The following SVEP1 variants were observed in gnomAD, a reference collection of about 807,000 sequenced individuals.
The protein encoded by SVEP1 is sushi, von Willebrand factor type A, EGF and pentraxin domain-containing protein 1.
Under a neutral mutation model 367.3 loss-of-function variants are expected in SVEP1, and 164 were observed. The ratio of observed to expected loss-of-function variants is 0.45; its 90% CI spans 0.39 to 0.51. The LOEUF is 0.51. Ranked by LOEUF, SVEP1 falls within the 20% of genes least tolerant of loss-of-function variation. The pLI, the probability that SVEP1 is intolerant of heterozygous loss-of-function variation, is 0.00. For synonymous variants in SVEP1, 1,666 were observed against 1,611.6 expected (o/e 1.03, Z -0.81); for missense variants, 4,117 against 4,425.3 (o/e 0.93, Z 1.98).
chr9:110,461,611 AT>A (rs1828859227), intron 18 of SVEP1, among the ~76,000 whole-genome samples: 1 of 152,122 alleles, frequency 6.6e-6, no homozygotes, highest in Admixed American at 6.6e-5. Context: ...AAAACAAAGC[AT>A]TTGTGATAAT....
chr9:110,548,583 G>C (rs1424948573), intron 2 of SVEP1, among the ~76,000 whole-genome samples: 1 of 152,154 alleles, frequency 6.6e-6, no homozygotes, highest in East Asian at 1.9e-4. Context: ...GAAAACGTCA[G>C]CTAGTAGGTA....
chr9:110,479,883 G>C (rs1829159355), intron 12 of SVEP1, 127 bp from the exon 13 acceptor site: 8 of 1,330,170 alleles, frequency 6.0e-6, no homozygotes, highest in Non-Finnish European at 7.2e-6. Context: ...ATAAAAACAA[G>C]AGATGACAGT....
chr9:110,528,156 G>GTGTATATATA, intron 3 of SVEP1, among the ~76,000 whole-genome samples: 377 of 33,900 alleles, frequency 0.011, 6 homozygotes, highest in East Asian at 0.035. Context: ...GTGTGTGTGT[G>GTGTATATATA]TATATATATA....
chr9:110,390,142 TACAA>T (rs1564127276), intron 40 of SVEP1, among the ~76,000 whole-genome samples: 18 of 93,234 alleles, frequency 1.9e-4, no homozygotes, highest in East Asian at 8.3e-4. Flanking sequence ...TAAGTATATA[TACAA>T]GTATATACAT....
At chr9:110,428,774 C>T (rs1240749087) in intron 35 of SVEP1, among the ~76,000 whole-genome samples, 1 of 67,172 alleles carries the variant, frequency 1.5e-5, no homozygotes, top group African/African-American at 3.9e-5. Context: ...ACAAATGAAA[C>T]CTATTGAGTA....
At chr9:110,443,920 C>A (rs549501873) in intron 26 of SVEP1, among the ~76,000 whole-genome samples, 200 bp from the exon 27 acceptor site, 36 of 152,014 alleles carry the variant, frequency 2.4e-4, no homozygotes, top group African/African-American at 8.0e-4. Flanking sequence ...TATTGTAGCT[C>A]ACTGAAAATT....
intron 40 of SVEP1, among the ~76,000 whole-genome samples, chr9:110,393,000 T>C (rs934306297): frequency 1.3e-5 from 2 of 152,214 alleles, no homozygotes; most frequent in Admixed American, 6.5e-5. Context: ...AACATCAATA[T>C]TTTAAAAACT....
At chr9:110,538,534 A>T (rs1023730189) in intron 3 of SVEP1, among the ~76,000 whole-genome samples, 4 of 152,026 alleles carry the variant, frequency 2.6e-5, no homozygotes, top group Non-Finnish European at 5.9e-5. Flanking sequence ...AGGAGTGGAG[A>T]TTTGTGTGCA....
intron 3 of SVEP1, among the ~76,000 whole-genome samples, chr9:110,528,585 G>A (rs1360446056): frequency 2.0e-5 from 3 of 151,840 alleles, no homozygotes; most frequent in Non-Finnish European, 2.9e-5. Context: ...TCATATGTTT[G>A]TTGGCCATTT....
intron 42 of SVEP1, among the ~76,000 whole-genome samples, chr9:110,386,776 C>A (rs73655335): frequency 1.3e-5 from 2 of 152,198 alleles, no homozygotes; most frequent in Admixed American, 1.3e-4. Context: ...GGTACACTTC[C>A]GCTGTTACTA....
At chr9:110,438,885 G>A (rs910802013) in intron 27 of SVEP1, among the ~76,000 whole-genome samples, 2 of 152,170 alleles carry the variant, frequency 1.3e-5, no homozygotes, top group Non-Finnish European at 2.9e-5. Context: ...ATATAAAGCA[G>A]TATCACACCT....
At chr9:110,549,755 G>T in intron 2 of SVEP1, 94 bp downstream of exon 2, 4 of 1,489,836 alleles carry the variant, frequency 2.7e-6, no homozygotes, top group Non-Finnish European at 3.6e-6. Context: ...GACCTTGTGA[G>T]AGTTTGATAT....
At chr9:110,449,370 C>T (rs1237608362) in intron 24 of SVEP1, among the ~76,000 whole-genome samples, 1 of 152,094 alleles carries the variant, frequency 6.6e-6, no homozygotes, top group Non-Finnish European at 1.5e-5. Context: ...AAATCATGGA[C>T]ATAGAATAAA....
At position 110,406,457 on chromosome 9, in the gene SVEP1, G is replaced by C; in HGVS notation, c.9143C>G (p.Ala3048Gly). 1 of 1,613,990 alleles carries C rather than the reference G, an allele frequency of 6.2e-7. No homozygotes were observed. The highest frequency in any genetic ancestry group is 8.5e-7 in the Non-Finnish European group (1 of 1,179,892). Reference protein sequence around the residue: ...LLGLSEITCEADGQWSSGFPH... With the variant: ...LLGLSEITCEGDGQWSSGFPH... ...GAACCCAGAGCTCCACTGGCCATCG[G>C]CTTCACAGGTGATTTCAGAAAGTCC... The change falls in exon 38 of 48, where the codon GCC (alanine) becomes GGC (glycine). Residue 3048 changes from alanine (A) to glycine (G), a missense_variant. Transcript: ENST00000374469.
rs183892710 is a variant in SVEP1, at chr9:110,576,662, C to G, written c.531+2351G>C. Among the ~76,000 whole-genome samples the G allele has an allele frequency of 3.0e-3, 460 of 152,038 alleles. 2 individuals are homozygous for G. Among genetic ancestry groups the G allele is most frequent in the Non-Finnish European group, 4.8e-3 (325 of 67,914 alleles). On this transcript the variant is annotated intron_variant, in intron 1 of 47. Transcript: ENST00000374469. Reference sequence around the variant, plus strand: ...ATTTTTAAAAATCAGTGTTTCTATACGTCAAGAAAAGTTGTTTGAAATTTA... The same window carrying G: ...ATTTTTAAAAATCAGTGTTTCTATAGGTCAAGAAAAGTTGTTTGAAATTTA...
At chr9:110,490,373 G>C (rs998274167) in intron 8 of SVEP1, among the ~76,000 whole-genome samples, 1 of 152,050 alleles carries the variant, frequency 6.6e-6, no homozygotes, top group African/African-American at 2.4e-5. Flanking sequence ...TGGAATATAT[G>C]ATCGATTATC....
chr9:110,462,911 G>A (rs1828879650), intron 18 of SVEP1, among the ~76,000 whole-genome samples: 1 of 151,882 alleles, frequency 6.6e-6, no homozygotes, highest in East Asian at 1.9e-4. Context: ...TTCTGACTAT[G>A]ATTAATAATA....
chr9:110,430,454 G>C lies in SVEP1; in HGVS notation c.5354-4C>G. On this transcript the variant is annotated splice_polypyrimidine_tract_variant and splice_region_variant and intron_variant, in intron 32 of 47. Coordinates refer to ENST00000374469, the MANE Select transcript of SVEP1 (RefSeq NM_153366.4). ...GGAGCCTTACATTTTATAGGTTCTAGAAACAGACAGTTTTGGTGGAATAAT... is the reference window on the plus strand; with the variant it reads ...GGAGCCTTACATTTTATAGGTTCTACAAACAGACAGTTTTGGTGGAATAAT... The C allele has an allele frequency of 6.2e-7, 1 of 1,604,786 alleles. No homozygotes were observed. Among genetic ancestry groups the C allele is most frequent in the Non-Finnish European group, 8.5e-7 (1 of 1,175,012 alleles).
At position 110,535,590 on chromosome 9, in the gene SVEP1, A is replaced by G. The variant is rs1830069099; in HGVS notation, c.964+10525T>C. 2.0e-5 allele frequency among the ~76,000 whole-genome samples: 3 copies of G among 152,082 alleles called. No individual in the cohort carries two copies. The South Asian group carries it at 6.2e-4, about 32-fold the overall frequency. On this transcript the variant is annotated intron_variant, in intron 3 of 47. Transcript: ENST00000374469. ...GATAGGAATAGCATTGAATCTGTAA[A>G]TTGCTTTGGGAGGTATGGCCATAGT...
Sources: allele counts gnomAD v4.1 joint callset (sites outside exome capture counted in the v4.1 genomes callset), GRCh38; gene constraint gnomAD v4.1.1; transcripts MANE v1.5; gene names NCBI Gene and HGNC (gene_info 2026-07-23, HGNC 2026-07-21).